Variants in MYRIP observed in about 807,000 individuals in gnomAD.
MYRIP encodes the protein myosin VIIA and Rab interacting protein.
In MYRIP, 49 loss-of-function variants were observed where a neutral mutation model predicts 98.0. The observed-to-expected ratio is 0.50, with a 90% CI of 0.40 to 0.63. The LOEUF is 0.63. Among genes scored for constraint, MYRIP ranks in the 30% least tolerant of loss-of-function variants. The pLI is 0.00. For missense variants in MYRIP, 1,004 were observed against 1,058.2 expected, an observed-to-expected ratio of 0.95 and a Z score of 0.71; for synonymous variants, 404 against 409.5, an observed-to-expected ratio of 0.99 and a Z score of 0.16.
At chr3:39,925,215 G>GA (rs138584141) in intron 2 of MYRIP, among the ~76,000 whole-genome samples, 5,602 of 151,740 alleles carry the variant, frequency 0.037, 344 homozygotes, top group African/African-American at 0.13. Context: ...ACTCACAAGG[G>GA]AAAAAAAGGA....
intron 3 of MYRIP, among the ~76,000 whole-genome samples, chr3:40,149,309 A>G (rs1950070055): frequency 6.6e-6 from 1 of 152,212 alleles, no homozygotes; most frequent in Admixed American, 6.5e-5. Context: ...TGAGTGAACT[A>G]ATAGAGTGAG....
At chr3:40,011,449 T>C (rs1172815395) in intron 2 of MYRIP, among the ~76,000 whole-genome samples, 1 of 152,218 alleles carries the variant, frequency 6.6e-6, no homozygotes, top group African/African-American at 2.4e-5. Context: ...CAGTATCTCA[T>C]ACTGCCAAGT....
intron 2 of MYRIP, among the ~76,000 whole-genome samples, chr3:39,995,447 A>C (rs150590349): frequency 1.3e-5 from 2 of 152,372 alleles, no homozygotes; most frequent in African/African-American, 4.8e-5. Flanking sequence ...GTGATGGAAG[A>C]TCAAATGAAT....
At chr3:39,919,695 TGTGTGTGTGTG>T (rs1323357487) in intron 2 of MYRIP, among the ~76,000 whole-genome samples, 1 of 69,300 alleles carries the variant, frequency 1.4e-5, no homozygotes, top group African/African-American at 7.4e-5. Context: ...GTATGTGTGG[TGTGTGTGTGTG>T]TGTGTGTGTG....
At chr3:39,947,811 A>G (rs960413592) in intron 2 of MYRIP, among the ~76,000 whole-genome samples, 16 of 152,266 alleles carry the variant, frequency 1.1e-4, no homozygotes, top group Admixed American at 9.2e-4. Context: ...ACTCTCAGAC[A>G]CTACCCTAGA....
In MYRIP at chr3:40,233,932, T is replaced by C. The variant is rs574391847; in HGVS notation, c.1979T>C (p.Ile660Thr). The change falls in exon 12 of 17, where the codon ATA becomes ACA. Residue 660 changes from isoleucine (I) to threonine (T), a missense_variant. Ile to Thr is a moderately conservative substitution (Grantham distance 89). Around this residue, in one of 3 missense-constraint regions of MYRIP, gnomAD observed 880 missense variants for 907.7 expected, o/e 0.97. Coordinates refer to ENST00000302541, the MANE Select transcript of MYRIP (RefSeq NM_015460.4). The stretch of plus-strand genomic sequence containing the variant: ...GTCATCAATGCCACAGAGGAGTTGA[T>C]AGCAGGATCTACAGGGCCCTGGGAG... Reference protein sequence around the residue: ...LKVINATEELIAGSTGPWESP... With the variant: ...LKVINATEELTAGSTGPWESP... 49 of 1,613,890 alleles carry C rather than the reference T, an allele frequency of 3.0e-5. No homozygotes were observed. The highest frequency in any genetic ancestry group is 2.6e-4 in the South Asian group (24 of 90,988).
At chr3:39,977,704 C>A (rs1945791515) in intron 2 of MYRIP, among the ~76,000 whole-genome samples, 1 of 152,128 alleles carries the variant, frequency 6.6e-6, no homozygotes, top group Non-Finnish European at 1.5e-5. Flanking sequence ...AATCCATAAA[C>A]CTTGAGGCCA....
chr3:39,981,483 T>C (rs1215787563), intron 2 of MYRIP, among the ~76,000 whole-genome samples: 1 of 152,218 alleles, frequency 6.6e-6, no homozygotes, highest in Non-Finnish European at 1.5e-5. Flanking sequence ...TTTTAGCATT[T>C]TGGTTTCCAT....
chr3:40,093,449 A>G (rs762467763), intron 3 of MYRIP, among the ~76,000 whole-genome samples: 6 of 152,196 alleles, frequency 3.9e-5, no homozygotes, highest in Non-Finnish European at 7.3e-5. Flanking sequence ...CCTCATAGAC[A>G]AGGAATGCAT....
intron 8 of MYRIP, 97 bp from the exon 9 acceptor site, chr3:40,182,123 C>A: frequency 7.6e-7 from 1 of 1,312,554 alleles, no homozygotes; most frequent in Non-Finnish European, 1.0e-6. Flanking sequence ...AACATGTTTT[C>A]TCCATGCTGG....
intron 2 of MYRIP, among the ~76,000 whole-genome samples, chr3:39,907,289 A>G (rs1194329264): frequency 6.6e-6 from 1 of 152,242 alleles, no homozygotes; most frequent in Non-Finnish European, 1.5e-5. Flanking sequence ...TTATTAAAAT[A>G]AGTAAATAGA....
chr3:39,994,191 G>A (rs1946271775), intron 2 of MYRIP, among the ~76,000 whole-genome samples: 1 of 152,220 alleles, frequency 6.6e-6, no homozygotes. Flanking sequence ...GACAGTGGGT[G>A]CAGGACAGTG....
intron 16 of MYRIP, among the ~76,000 whole-genome samples, chr3:40,253,520 T>C (rs1010487274): frequency 1.3e-5 from 2 of 152,344 alleles, no homozygotes; most frequent in South Asian, 2.1e-4. Context: ...CCTAGCCTAC[T>C]ATTCCTGCAT....
At chr3:39,987,368 T>C (rs1946056187) in intron 2 of MYRIP, among the ~76,000 whole-genome samples, 1 of 152,236 alleles carries the variant, frequency 6.6e-6, no homozygotes. Flanking sequence ...TAGTATTCCA[T>C]GGTGTATATG....
intron 10 of MYRIP, among the ~76,000 whole-genome samples, chr3:40,191,581 AG>A (rs1311869559): frequency 2.0e-5 from 3 of 152,166 alleles, no homozygotes; most frequent in Non-Finnish European, 4.4e-5. Flanking sequence ...CCTGGTCCTG[AG>A]GCCCCCATGA....
chr3:40,123,013 T>C (rs1949436997), intron 3 of MYRIP, among the ~76,000 whole-genome samples: 1 of 152,184 alleles, frequency 6.6e-6, no homozygotes, highest in South Asian at 2.1e-4. Context: ...ATTTTTGAGC[T>C]TTTGAATTTT....
At chr3:39,947,348 C>A (rs1944925946) in intron 2 of MYRIP, among the ~76,000 whole-genome samples, 2 of 151,144 alleles carry the variant, frequency 1.3e-5, no homozygotes, top group African/African-American at 2.4e-5. Flanking sequence ...GTAGAATTAG[C>A]AAATTAAAAT....
At chr3:39,920,387 T>C (rs1479250322) in intron 2 of MYRIP, among the ~76,000 whole-genome samples, 1 of 152,208 alleles carries the variant, frequency 6.6e-6, no homozygotes, top group Admixed American at 6.5e-5. Flanking sequence ...TTACAACTGA[T>C]GTTTAATTGT....
At chr3:40,137,310 TAC>T (rs1949800780) in intron 3 of MYRIP, among the ~76,000 whole-genome samples, 1 of 152,188 alleles carries the variant, frequency 6.6e-6, no homozygotes, top group African/African-American at 2.4e-5. Context: ...CCTCGACACA[TAC>T]AGTCTCCCAA....
Sources: gnomAD v4.1 joint callset for allele counts (sites outside exome capture counted in the v4.1 genomes callset) on GRCh38, gnomAD v4.1.1 for gene constraint, gnomAD v4.1.1 regional missense constraint, MANE v1.5 for transcripts, NCBI Gene and HGNC (gene_info 2026-07-23, HGNC 2026-07-21) for gene names.